The following CALHM4 variants were observed in gnomAD, a reference collection of about 807,000 sequenced individuals.
The protein encoded by CALHM4 is calcium homeostasis modulator family member 4.
In CALHM4, 16 loss-of-function variants were observed where a neutral mutation model predicts 13.3. The observed-to-expected ratio is 1.20, with a 90% CI of 0.81 to 1.82. CALHM4 has a LOEUF of 1.82. Ranked by LOEUF, CALHM4 falls within the 40% of genes most tolerant of loss-of-function variation. CALHM4 has a pLI of 0.00. For missense variants in CALHM4, 344 were observed against 374.9 expected (o/e 0.92, Z 0.68); for synonymous variants, 127 against 137.1 (o/e 0.93, Z 0.52).
At chr6:116,531,540 G>C (rs1310113142) in intron 1 of CALHM4, among the ~76,000 whole-genome samples, 1 of 152,090 alleles carries the variant, frequency 6.6e-6, no homozygotes, top group African/African-American at 2.4e-5. Flanking sequence ...TTCCCATTTT[G>C]GTTCTTTCAT....
chr6:116,539,738 GAC>G (rs1295636955), intron 1 of CALHM4, among the ~76,000 whole-genome samples: 1 of 152,116 alleles, frequency 6.6e-6, no homozygotes, highest in Non-Finnish European at 1.5e-5. Flanking sequence ...TAAACCTGGA[GAC>G]ACGCGTATCT....
chr6:116,549,980 T>TTATA (rs10544532), upstream of CALHM4, among the ~76,000 whole-genome samples: 31 of 82,020 alleles, frequency 3.8e-4, no homozygotes, highest in African/African-American at 1.1e-3. Flanking sequence ...CCATCTTAAA[T>TTATA]TATATATATA....
intron 1 of CALHM4, among the ~76,000 whole-genome samples, chr6:116,554,792 A>G (rs1408484304): frequency 2.6e-5 from 4 of 152,336 alleles, no homozygotes; most frequent in African/African-American, 9.6e-5. Context: ...ATATATTACT[A>G]TCTCATCTAA....
At chr6:116,549,980 TTATATATATATATATATA>T (rs10544532), upstream of CALHM4, among the ~76,000 whole-genome samples, 1,938 of 81,982 alleles carry the variant, frequency 0.024, 51 homozygotes, top group African/African-American at 0.058. Flanking sequence ...CCATCTTAAA[TTATATATATATATATATA>T]TATATATATA....
At chr6:116,545,550 C>A in intron 2 of CALHM4, 2 of 1,536,970 alleles carry the variant, frequency 1.3e-6, no homozygotes, top group Non-Finnish European at 1.8e-6. Flanking sequence ...TCTTCAATTT[C>A]TCTTCTTTTG....
chr6:116,532,381 C>G (rs1257833080), intron 1 of CALHM4, among the ~76,000 whole-genome samples: 1 of 152,158 alleles, frequency 6.6e-6, no homozygotes, highest in Non-Finnish European at 1.5e-5. Flanking sequence ...GAATTACAGG[C>G]GTGAGCCACC....
At chr6:116,552,880 T>C (rs1211488311), upstream of CALHM4, among the ~76,000 whole-genome samples, 1 of 152,104 alleles carries the variant, frequency 6.6e-6, no homozygotes, top group South Asian at 2.1e-4. Context: ...CGAGACCATC[T>C]TGGCTTACAC....
upstream of CALHM4, among the ~76,000 whole-genome samples, chr6:116,549,562 A>C (rs542344188): frequency 6.6e-6 from 1 of 152,070 alleles, no homozygotes; most frequent in East Asian, 1.9e-4. Flanking sequence ...ATGTAAATAC[A>C]TTATATATTA....
chr6:116,555,881 G>A (rs1372353417), intron 1 of CALHM4, among the ~76,000 whole-genome samples: 1 of 152,022 alleles, frequency 6.6e-6, no homozygotes, highest in Non-Finnish European at 1.5e-5. Context: ...CTAGATATAT[G>A]CCAAAAATAT....
rs765304352 is a variant in CALHM4 at position 116,558,008 on chromosome 6, A to C, written c.742A>C (p.Ile248Leu). Residue 248 changes from isoleucine to leucine, a missense_variant, in exon 2 of 2, where the codon ATA (isoleucine) becomes CTA (leucine). Coordinates refer to ENST00000368596, the MANE Select transcript of CALHM4 (RefSeq NM_001366078.2). ...QHSRLLMMHR[I>L]KKLFGFIPGS... ...CTCTCGGCTCCTCATGATGCATCGC[A>C]TAAAGAAGCTATTTGGCTTCATTCC... 3.1e-6 allele frequency: 5 copies of C among 1,614,070 alleles called. No individual in the cohort carries two copies. In the Admixed American group the frequency reaches 8.3e-5, roughly 27 times the overall value.
chr6:116,531,632 G>T (rs1272609192), intron 1 of CALHM4, among the ~76,000 whole-genome samples: 2 of 152,060 alleles, frequency 1.3e-5, no homozygotes, highest in East Asian at 3.9e-4. Context: ...TAACCTAAAG[G>T]AGTCTACCTA....
chr6:116,539,799 A>G (rs1773324211), intron 1 of CALHM4, among the ~76,000 whole-genome samples: 1 of 152,220 alleles, frequency 6.6e-6, no homozygotes, highest in South Asian at 2.1e-4. Context: ...CCATAGGCCA[A>G]GATTTTTAAA....
At chr6:116,535,765 C>G (rs1000403625) in intron 1 of CALHM4, among the ~76,000 whole-genome samples, 2 of 152,096 alleles carry the variant, frequency 1.3e-5, no homozygotes, top group Non-Finnish European at 2.9e-5. Context: ...TTTCTCAGAA[C>G]AGTTACCATA....
At chr6:116,545,857 A>G (rs548991418) in intron 2 of CALHM4, among the ~76,000 whole-genome samples, 47 of 152,330 alleles carry the variant, frequency 3.1e-4, no homozygotes, top group African/African-American at 1.1e-3. Flanking sequence ...GGAGTTCAAG[A>G]GTGGTGTTTT....
rs1773332729 is a variant in CALHM4 at position 116,539,951 on chromosome 6, G to C, written c.-108-3814G>C. Reference sequence around the variant, plus strand: ...TACAGGAAGTTCTGTTTTTCTCTTGGGAAAACAATACTCTGGGAATGACTA... The same window carrying C: ...TACAGGAAGTTCTGTTTTTCTCTTGCGAAAACAATACTCTGGGAATGACTA... On this transcript the variant is annotated intron_variant, in intron 1 of 2. Transcript: ENST00000368597. Among the ~76,000 whole-genome samples, 12 of 152,196 alleles carry C rather than the reference G, an allele frequency of 7.9e-5. No individual in the cohort carries two copies. In the South Asian group the frequency reaches 2.5e-3, roughly 32 times the overall value.
At chr6:116,531,550 T>C (rs750012189) in intron 1 of CALHM4, among the ~76,000 whole-genome samples, 3 of 152,172 alleles carry the variant, frequency 2.0e-5, no homozygotes, top group African/African-American at 4.8e-5. Context: ...GGTTCTTTCA[T>C]GGGGTCTGAT....
intron 1 of CALHM4, among the ~76,000 whole-genome samples, chr6:116,541,499 G>GTGA (rs1160036524): frequency 2.0e-5 from 3 of 152,152 alleles, no homozygotes; most frequent in African/African-American, 7.2e-5. Flanking sequence ...GAAATCTTTG[G>GTGA]TGACTAGGTG....
At chr6:116,532,643 C>T (rs577259213) in intron 1 of CALHM4, among the ~76,000 whole-genome samples, 3 of 152,318 alleles carry the variant, frequency 2.0e-5, no homozygotes, top group Non-Finnish European at 4.4e-5. Flanking sequence ...TGTATTACTT[C>T]CACTTTTGTG....
intron 1 of CALHM4, among the ~76,000 whole-genome samples, chr6:116,556,002 G>T (rs1774300105): frequency 6.6e-6 from 1 of 152,176 alleles, no homozygotes; most frequent in South Asian, 2.1e-4. Flanking sequence ...TAACATGCAA[G>T]GCTTCAACAT....
Sources: gnomAD v4.1 joint callset for allele counts (sites outside exome capture counted in the v4.1 genomes callset) on GRCh38, gnomAD v4.1.1 for gene constraint, MANE v1.5 for transcripts, NCBI Gene and HGNC (gene_info 2026-07-23, HGNC 2026-07-21) for gene names.